The following ZNF540 variants were observed in gnomAD, a reference collection of about 807,000 sequenced individuals.
ZNF540 encodes the protein CTD-3064H18.6.
Under a neutral mutation model 11.8 loss-of-function variants are expected in ZNF540, and 3 were observed. The ratio of observed to expected loss-of-function variants is 0.25; its 90% confidence interval spans 0.12 to 0.65. The LOEUF is 0.65. Among genes scored for constraint, ZNF540 ranks in the 30% least tolerant of loss-of-function variants. ZNF540 has a pLI of 0.83. For missense variants in ZNF540, 709 were observed against 793.1 expected (o/e 0.89, Z 1.27); for synonymous variants, 247 against 259.0 (o/e 0.95, Z 0.45).
At position 37,612,263 on chromosome 19, in the gene ZNF540, A is replaced by G; in HGVS notation, c.983A>G (p.Glu328Gly). The change falls in exon 5 of 5, where the codon GAA (glutamate) becomes GGA (glycine). Residue 328 changes from glutamate (E) to glycine (G), a missense_variant. Coordinates refer to ENST00000316433, the MANE Select transcript of ZNF540 (RefSeq NM_001172225.3). Reference sequence around the variant, plus strand: ...ATTCATACAGGTAAGAAACCCTATGAATGTAAGGAGTGTGGGAAAGCTTTT... The same window carrying G: ...ATTCATACAGGTAAGAAACCCTATGGATGTAAGGAGTGTGGGAAAGCTTTT... ...ERIHTGKKPY[E>G]CKECGKAFSV... 6.2e-7 allele frequency: 1 copy of G among 1,614,008 alleles called. No individual in the cohort carries two copies. The highest frequency in any genetic ancestry group is 8.5e-7 in the Non-Finnish European group (1 of 1,180,018).
intron 1 of ZNF540, chr19:37,564,910 T>C (rs771189919): frequency 6.2e-7 from 1 of 1,614,060 alleles, no homozygotes; most frequent in South Asian, 1.1e-5. Flanking sequence ...CCTTGTCACA[T>C]TCCTTACATT....
At chr19:37,564,842 G>A in intron 1 of ZNF540, 1 of 1,614,012 alleles carries the variant, frequency 6.2e-7, no homozygotes, top group Non-Finnish European at 8.5e-7. Context: ...ACATTCATAA[G>A]GTTTTTCACC....
chr19:37,613,332 T>C lies in ZNF540; in HGVS notation c.*69T>C. The C allele has an allele frequency of 8.7e-7, 1 of 1,149,844 alleles. No homozygotes were observed. The highest frequency in any genetic ancestry group is 1.2e-6 in the Non-Finnish European group (1 of 857,078). The allele number at this position is 1,149,844 out of a possible 1,614,324, so 71.2% of individuals were successfully genotyped here. ...AAAATATTTATGGCCAGAAGTTCTG[T>C]CAATGTGTTGATGTTTTTTTACACA... On this transcript the variant is annotated 3_prime_UTR_variant, in exon 5 of 5. Transcript: ENST00000316433.
chr19:37,563,783 TGTATATATTCCACATAC>T (rs2042756496), intron 1 of ZNF540: 1 of 10,590 alleles, frequency 9.4e-5, no homozygotes, highest in African/African-American at 4.3e-4. Flanking sequence ...GTGGAATATA[TGTATATATTCCACATAC>T]ACACATGTGG....
chr19:37,576,637 C>G (rs1252610077), intron 1 of ZNF540, among the ~76,000 whole-genome samples: 1 of 152,050 alleles, frequency 6.6e-6, no homozygotes, highest in Non-Finnish European at 1.5e-5. Flanking sequence ...CAGCATAAAA[C>G]ATGTTTAAGA....
intron 1 of ZNF540, chr19:37,586,668 G>A (rs755248816): frequency 2.4e-5 from 39 of 1,613,960 alleles, no homozygotes; most frequent in Non-Finnish European, 3.1e-5. Context: ...AGCAACTCAC[G>A]TGGGGCATGG....
At chr19:37,592,646 T>C (rs189591360), upstream of ZNF540, among the ~76,000 whole-genome samples, 2 of 152,300 alleles carry the variant, frequency 1.3e-5, no homozygotes, top group East Asian at 3.9e-4. Context: ...CATCAGACTG[T>C]AAGGGCCTCA....
In ZNF540 at chr19:37,611,494, C is replaced by T; in HGVS notation, c.233-19C>T. 6.5e-7 allele frequency: 1 copy of T among 1,548,250 alleles called. No individual in the cohort carries two copies. Among genetic ancestry groups the T allele is most frequent in the African/African-American group, 1.4e-5 (1 of 72,026 alleles). On this transcript the variant is annotated intron_variant, in intron 4 of 4. Transcript: ENST00000316433. ...GCTACAGGAAAATAATTTTTGTTTG[C>T]TTTTATGTTTTCTTTCAGGTTTGTT...
intron 1 of ZNF540, among the ~76,000 whole-genome samples, chr19:37,560,002 C>T (rs972254943): frequency 1.4e-4 from 22 of 152,122 alleles, no homozygotes; most frequent in African/African-American, 5.3e-4. Context: ...TTTAGCTGGG[C>T]GTGGTGGCTC....
At chr19:37,566,969 CCA>C (rs2042882810) in intron 1 of ZNF540, among the ~76,000 whole-genome samples, 1 of 152,114 alleles carries the variant, frequency 6.6e-6, no homozygotes, top group Non-Finnish European at 1.5e-5. Flanking sequence ...TCATCACTTA[CCA>C]CTCCCCTAAT....
Position 37,612,168 on chromosome 19 carries a change from GA to G in ZNF540, c.891del (p.Lys297AsnfsTer56). 6.2e-7 allele frequency: 1 copy of G among 1,611,500 alleles called. No homozygotes were observed. Among genetic ancestry groups the G allele is most frequent in the Non-Finnish European group, 8.5e-7 (1 of 1,179,618 alleles). ...TQHKRIHTGK[K>X]SYECKECGKV... The stretch of plus-strand genomic sequence containing the variant: ...AACATAAAAGAATTCATACTGGTAA[GA>G]AATCTTATGAATGTAAAGAATGTGG... On this transcript the variant is annotated frameshift_variant, in exon 5 of 5. Coordinates refer to ENST00000316433, the MANE Select transcript of ZNF540 (RefSeq NM_001172225.3). LOFTEE classifies it low-confidence loss of function (END_TRUNC).
chr19:37,589,718 T>C (rs2043806488), intron 1 of ZNF540, among the ~76,000 whole-genome samples: 1 of 151,584 alleles, frequency 6.6e-6, no homozygotes, highest in South Asian at 2.1e-4. Flanking sequence ...ATGCAAAAAT[T>C]AGCCAGGCGT....
At chr19:37,559,963 A>G (rs1268291606) in intron 1 of ZNF540, among the ~76,000 whole-genome samples, 1 of 152,230 alleles carries the variant, frequency 6.6e-6, no homozygotes, top group African/African-American at 2.4e-5. Flanking sequence ...GATGAGTGCA[A>G]TACAATGAAG....
chr19:37,589,200 C>CAAAAAAAAAAAAAAAAAAAAAAAA (rs35689698), intron 1 of ZNF540, among the ~76,000 whole-genome samples: 1 of 108,904 alleles, frequency 9.2e-6, no homozygotes, highest in African/African-American at 3.7e-5. Context: ...AACTCCGTCT[C>CAAAAAAAAAAAAAAAAAAAAAAAA]AAAAAAAAAA....
At position 37,569,204 on chromosome 19, in the gene ZNF540, C is replaced by T. The variant is rs1054050214; in HGVS notation, c.-73+17539C>T. On this transcript the variant is annotated intron_variant, in intron 1 of 4. Transcript: ENST00000592533. The surrounding 1 kb of genome is among the most constrained non-coding windows in gnomAD (Gnocchi z 4.4). ...CTGGCCTCAAGTGATCCACCTGCCC[C>T]GGACTCCCACAGCACTAGGATTACA... Among the ~76,000 whole-genome samples, 19 of 152,150 alleles carry T rather than the reference C, an allele frequency of 1.2e-4. No homozygotes were observed. Among genetic ancestry groups the T allele is most frequent in the Non-Finnish European group, 2.2e-4 (15 of 67,994 alleles).
chr19:37,563,708 T>C (rs2042751115), intron 1 of ZNF540: 1 of 144,548 alleles, frequency 6.9e-6, no homozygotes, highest in South Asian at 2.1e-4. Context: ...ATGTGGAATA[T>C]ATACATGTGG....
At position 37,614,143 on chromosome 19, in the gene ZNF540, AC is replaced by A. The variant is rs1322702832; in HGVS notation, c.*881del. On this transcript the variant is annotated 3_prime_UTR_variant, in exon 5 of 5. Coordinates refer to ENST00000316433, the MANE Select transcript of ZNF540 (RefSeq NM_001172225.3). ...GTTATGCAGCCCAGATAACTAAGGC[AC>A]TCCATTAGAATATAAATAAAATGTA... The A allele has an allele frequency of 6.1e-6, 2 of 327,834 alleles. No homozygotes were observed. Among genetic ancestry groups the A allele is most frequent in the African/African-American group, 4.2e-5 (2 of 47,130 alleles). The allele number at this position is 327,834 out of a possible 1,614,324, so 20.3% of individuals were successfully genotyped here.
intron 1 of ZNF540, among the ~76,000 whole-genome samples, chr19:37,556,412 G>A (rs1009388696): frequency 2.0e-5 from 3 of 152,184 alleles, no homozygotes; most frequent in Non-Finnish European, 4.4e-5. Context: ...TTTCTAGTTG[G>A]GCTCTGTTGG....
At chr19:37,608,374 CT>C (rs533278767) in intron 4 of ZNF540, among the ~76,000 whole-genome samples, 10 of 152,242 alleles carry the variant, frequency 6.6e-5, no homozygotes, top group Non-Finnish European at 1.3e-4. Context: ...TTTAGCATTT[CT>C]TTTTGATTCT....
Sources: allele counts gnomAD v4.1 joint callset (sites outside exome capture counted in the v4.1 genomes callset), GRCh38; gene constraint gnomAD v4.1.1; non-coding constraint Gnocchi (gnomAD v3.1); transcripts MANE v1.5; gene names NCBI Gene and HGNC (gene_info 2026-07-23, HGNC 2026-07-21).